Variants in DCC observed in about 807,000 individuals in gnomAD.
DCC encodes DCC netrin 1 receptor.
Under a neutral mutation model 172.5 loss-of-function variants are expected in DCC, and 58 were observed. The observed-to-expected ratio is 0.34, with a 90% CI of 0.27 to 0.42. The LOEUF (loss-of-function observed/expected upper bound fraction) is 0.42, where lower values mean the gene tolerates loss of function less well. Among genes scored for constraint, DCC ranks in the 10% least tolerant of loss-of-function variants. The pLI is 1.00. For missense variants in DCC, 1,740 were observed against 1,791.0 expected (o/e 0.97, Z 0.51); for synonymous variants, 709 against 644.5 (o/e 1.10, Z -1.52).
chr18:53,115,210 G>A (rs1015512691), intron 7 of DCC, among the ~76,000 whole-genome samples: 6 of 151,634 alleles, frequency 4.0e-5, no homozygotes, highest in African/African-American at 1.2e-4. Flanking sequence ...GTATGCCAAT[G>A]ATGGTTTTCT....
intron 5 of DCC, among the ~76,000 whole-genome samples, chr18:53,055,618 T>A (rs1420298833): frequency 6.6e-6 from 1 of 152,152 alleles, no homozygotes; most frequent in African/African-American, 2.4e-5. Context: ...TTAACCTAAA[T>A]GTTTAGACAG....
intron 2 of DCC, among the ~76,000 whole-genome samples, chr18:52,777,739 C>T (rs1037924563): frequency 4.0e-5 from 6 of 150,674 alleles, no homozygotes; most frequent in Non-Finnish European, 8.8e-5. Context: ...CAGACTAAAG[C>T]AGAAGAGAAT....
chr18:52,399,670 T>C (rs925544990), intron 1 of DCC, among the ~76,000 whole-genome samples: 2 of 151,988 alleles, frequency 1.3e-5, no homozygotes, highest in Admixed American at 1.3e-4. Flanking sequence ...CTAAATTTTA[T>C]GAAACAGAGG....
intron 13 of DCC, among the ~76,000 whole-genome samples, chr18:53,309,575 T>G (rs1004852396): frequency 6.6e-6 from 1 of 152,202 alleles, no homozygotes; most frequent in African/African-American, 2.4e-5. Context: ...TAATAAACTT[T>G]ACTTACTCAA....
intron 12 of DCC, among the ~76,000 whole-genome samples, chr18:53,298,003 A>T (rs1311571749): frequency 6.6e-6 from 1 of 152,182 alleles, no homozygotes; most frequent in East Asian, 1.9e-4. Flanking sequence ...TGAGTGTATA[A>T]CTGATTATAT....
At chr18:53,161,568 T>G (rs1489016258) in intron 8 of DCC, among the ~76,000 whole-genome samples, 1 of 152,184 alleles carries the variant, frequency 6.6e-6, no homozygotes, top group Non-Finnish European at 1.5e-5. Flanking sequence ...CAATCCATAC[T>G]CATATACACG....
chr18:52,434,194 C>T (rs1267453068), intron 1 of DCC, among the ~76,000 whole-genome samples: 4 of 152,154 alleles, frequency 2.6e-5, no homozygotes, highest in African/African-American at 9.7e-5. Context: ...AGTTAGCTGG[C>T]TATAATTAGA....
chr18:53,230,876 T>C (rs1033898929), intron 12 of DCC, among the ~76,000 whole-genome samples: 3 of 152,072 alleles, frequency 2.0e-5, no homozygotes, highest in African/African-American at 4.8e-5. Context: ...TTTGGAAATA[T>C]GTATGTGAAG....
At chr18:53,001,730 A>T (rs1278034850) in intron 5 of DCC, among the ~76,000 whole-genome samples, 4 of 151,878 alleles carry the variant, frequency 2.6e-5, no homozygotes, top group Non-Finnish European at 5.9e-5. Flanking sequence ...TTTTATCTGG[A>T]TGAGATATGG....
At chr18:52,531,409 T>G (rs1343053907) in intron 1 of DCC, among the ~76,000 whole-genome samples, 1 of 152,186 alleles carries the variant, frequency 6.6e-6, no homozygotes, top group African/African-American at 2.4e-5. Flanking sequence ...ACACCAGCTT[T>G]AACTAAAAGA....
intron 25 of DCC, among the ~76,000 whole-genome samples, chr18:53,482,829 G>A (rs1321235066): frequency 1.3e-5 from 2 of 151,910 alleles, no homozygotes; most frequent in African/African-American, 4.8e-5. Flanking sequence ...TCAGTTGACT[G>A]CCTCAGAGTC....
At chr18:52,383,594 C>T (rs1454015461) in intron 1 of DCC, among the ~76,000 whole-genome samples, 2 of 151,720 alleles carry the variant, frequency 1.3e-5, no homozygotes, top group African/African-American at 4.8e-5. Flanking sequence ...TGGCTAGTCT[C>T]TTCTTTTTAT....
chr18:52,761,844 G>C (rs943841981), intron 2 of DCC, among the ~76,000 whole-genome samples: 26 of 147,754 alleles, frequency 1.8e-4, no homozygotes, highest in African/African-American at 6.7e-4. Context: ...AGGAGGCAGA[G>C]CTTGCAGTGA....
intron 1 of DCC, among the ~76,000 whole-genome samples, chr18:52,621,997 A>G (rs573914740): frequency 9.9e-5 from 15 of 152,220 alleles, no homozygotes; most frequent in South Asian, 2.1e-4. Flanking sequence ...ATTTACTAAT[A>G]ATAAGAATTT....
At chr18:53,393,900 C>CTTCTCTCTCTCTCCCTCT (rs1908738465) in intron 17 of DCC, among the ~76,000 whole-genome samples, 1 of 119,736 alleles carries the variant, frequency 8.4e-6, no homozygotes. Flanking sequence ...TGTACTATTC[C>CTTCTCTCTCTCTCCCTCT]CTCTCTCTCT....
chr18:52,519,530 A>G (rs1162373095), intron 1 of DCC, among the ~76,000 whole-genome samples: 1 of 152,230 alleles, frequency 6.6e-6, no homozygotes, highest in Non-Finnish European at 1.5e-5. Context: ...ATATCTGGAT[A>G]AGTTGCAATG....
intron 5 of DCC, among the ~76,000 whole-genome samples, chr18:52,966,207 G>A (rs886960337): frequency 6.6e-6 from 1 of 152,114 alleles, no homozygotes; most frequent in Non-Finnish European, 1.5e-5. Flanking sequence ...TGAGCAGGGG[G>A]TTATGGCATG....
At chr18:52,558,523 T>C (rs912462688) in intron 1 of DCC, among the ~76,000 whole-genome samples, 5 of 152,200 alleles carry the variant, frequency 3.3e-5, no homozygotes, top group African/African-American at 7.2e-5. Flanking sequence ...CCTCTCCAGA[T>C]TGCATATTTG....
At chr18:53,275,778 G>A (rs1289444510) in intron 12 of DCC, among the ~76,000 whole-genome samples, 3 of 152,032 alleles carry the variant, frequency 2.0e-5, no homozygotes, top group African/African-American at 7.2e-5. Flanking sequence ...ATACAAAAGG[G>A]TCATCGCTGA....
Sources: allele counts gnomAD v4.1 joint callset (sites outside exome capture counted in the v4.1 genomes callset), GRCh38; gene constraint gnomAD v4.1.1; transcripts MANE v1.5; gene names NCBI Gene and HGNC (gene_info 2026-07-23, HGNC 2026-07-21).